VAV3: variants seen among roughly 807,000 people sequenced by gnomAD.
The protein encoded by VAV3 is guanine nucleotide exchange factor VAV3.
VAV3 carries 94 observed loss-of-function variants against 131.2 expected under a neutral mutation model. The observed-to-expected ratio is 0.72, with a 90% confidence interval of 0.61 to 0.85. VAV3 has a LOEUF of 0.85. Ranked by LOEUF, VAV3 falls within the 40% of genes least tolerant of loss-of-function variation. The pLI is 0.00. For synonymous variants in VAV3, 349 were observed against 342.0 expected (o/e 1.02, Z -0.22); for missense variants, 939 against 1,002.7 (o/e 0.94, Z 0.86).
intron 20 of VAV3, among the ~76,000 whole-genome samples, chr1:107,639,082 G>T (rs1655145353): frequency 6.6e-6 from 1 of 151,936 alleles, no homozygotes; most frequent in African/African-American, 2.4e-5. Context: ...AGGCAATCCA[G>T]TGGAGAAATA....
At chr1:107,774,268 T>G (rs1665211189) in intron 4 of VAV3, among the ~76,000 whole-genome samples, 1 of 152,178 alleles carries the variant, frequency 6.6e-6, no homozygotes, top group Non-Finnish European at 1.5e-5. Flanking sequence ...GGTTTCACCA[T>G]GTTGGCCAGG....
chr1:107,834,413 T>C (rs1279502872), intron 2 of VAV3, among the ~76,000 whole-genome samples: 1 of 152,018 alleles, frequency 6.6e-6, no homozygotes, highest in Non-Finnish European at 1.5e-5. Context: ...TTCCATTGCA[T>C]AAAATCAGTA....
At chr1:107,913,217 A>ACAAAAAG (rs1672452178) in intron 1 of VAV3, among the ~76,000 whole-genome samples, 1 of 152,218 alleles carries the variant, frequency 6.6e-6, no homozygotes, top group African/African-American at 2.4e-5. Context: ...GATTATACAG[A>ACAAAAAG]CAAAAAGCAA....
intron 20 of VAV3, among the ~76,000 whole-genome samples, chr1:107,637,727 G>C (rs1244184234): frequency 6.6e-6 from 1 of 152,170 alleles, no homozygotes; most frequent in East Asian, 1.9e-4. Context: ...ACTTCAGGAA[G>C]AAATAATGCT....
At chr1:107,745,623 T>C (rs1663295785) in intron 15 of VAV3, among the ~76,000 whole-genome samples, 1 of 152,200 alleles carries the variant, frequency 6.6e-6, no homozygotes, top group Non-Finnish European at 1.5e-5. Flanking sequence ...TACTGTTCAT[T>C]AGTGTTCATG....
intron 2 of VAV3, among the ~76,000 whole-genome samples, chr1:107,837,643 C>G (rs941735222): frequency 6.6e-6 from 1 of 152,098 alleles, no homozygotes; most frequent in Non-Finnish European, 1.5e-5. Flanking sequence ...AACTACACTA[C>G]AAGGCTACAG....
chr1:107,959,608 G>T (rs559202834), intron 1 of VAV3, among the ~76,000 whole-genome samples: 1 of 151,932 alleles, frequency 6.6e-6, no homozygotes, highest in Non-Finnish European at 1.5e-5. Context: ...TCCTTCACAG[G>T]TTCTCCCCAT....
intron 2 of VAV3, among the ~76,000 whole-genome samples, chr1:107,825,227 C>T (rs1037031577): frequency 6.6e-6 from 1 of 152,090 alleles, no homozygotes; most frequent in Admixed American, 6.6e-5. Flanking sequence ...TATATGCAAA[C>T]AGGGGCTGCC....
intron 2 of VAV3, among the ~76,000 whole-genome samples, chr1:107,782,724 T>C (rs563386569): frequency 1.4e-4 from 22 of 152,290 alleles, no homozygotes; most frequent in Admixed American, 1.3e-3. Context: ...TTTAGAACAA[T>C]GTGTATTCTA....
chr1:107,708,263 G>C (rs1660571507), intron 15 of VAV3, among the ~76,000 whole-genome samples: 1 of 152,194 alleles, frequency 6.6e-6, no homozygotes, highest in Non-Finnish European at 1.5e-5. Flanking sequence ...CGTGGATATA[G>C]TAGGACCAAT....
chr1:107,801,724 CCACAAGGCA>C, intron 2 of VAV3, among the ~76,000 whole-genome samples: 1 of 152,246 alleles, frequency 6.6e-6, no homozygotes, highest in South Asian at 2.1e-4. Flanking sequence ...TTTGTTCTGA[CCACAAGGCA>C]CCCCTGGAGT....
intron 2 of VAV3, among the ~76,000 whole-genome samples, chr1:107,842,645 CT>C (rs901777244): frequency 6.6e-6 from 1 of 151,922 alleles, no homozygotes; most frequent in Non-Finnish European, 1.5e-5. Flanking sequence ...TTTCATTCTT[CT>C]TTTTTTTAAA....
intron 1 of VAV3, among the ~76,000 whole-genome samples, chr1:107,922,903 G>C (rs1364704593): frequency 6.8e-6 from 1 of 147,628 alleles, no homozygotes; most frequent in Non-Finnish European, 1.5e-5. Context: ...AGTGAGCCGA[G>C]ATCGCGCCAC....
intron 1 of VAV3, among the ~76,000 whole-genome samples, chr1:107,963,164 G>A (rs535235460): frequency 1.8e-4 from 26 of 142,494 alleles, no homozygotes; most frequent in African/African-American, 6.3e-4. Flanking sequence ...AGAGTTCCAG[G>A]AAACAAGTTC....
Position 107,964,945 on chromosome 1 carries a change from C to T in VAV3, c.-76G>A, listed in dbSNP as rs1480288014. The T allele has an allele frequency of 5.1e-6, 6 of 1,175,770 alleles. No individual in the cohort carries two copies. Among genetic ancestry groups the T allele is most frequent in the African/African-American group, 1.6e-5 (1 of 61,768 alleles). 72.8% of individuals were successfully genotyped at this position (1,175,770 alleles called of 1,614,324 possible). A position where few individuals can be genotyped will look rare whatever the true frequency, so the allele number is the denominator to read the frequency against. Reference sequence around the variant, plus strand: ...GCCGCCGCCGCCGCCGCCGCGGTTCCTCCGCGCCCCGCCGACGCCAACAGC... The same window carrying T: ...GCCGCCGCCGCCGCCGCCGCGGTTCTTCCGCGCCCCGCCGACGCCAACAGC... On this transcript the variant is annotated 5_prime_UTR_variant, in exon 1 of 27. Transcript: ENST00000370056.
chr1:107,720,384 AAAATAAATAAAT>A (rs35673194), intron 15 of VAV3, among the ~76,000 whole-genome samples: 1,615 of 102,536 alleles, frequency 0.016, 50 homozygotes, highest in African/African-American at 0.06. Context: ...CACTGTCTCA[AAAATAAATAAAT>A]AAATAAATAA....
chr1:107,873,808 G>A (rs1354981285), intron 2 of VAV3, among the ~76,000 whole-genome samples: 3 of 152,046 alleles, frequency 2.0e-5, no homozygotes, highest in Non-Finnish European at 4.4e-5. Context: ...TGAGAAGGCT[G>A]GTGCCTTCTA....
At chr1:107,706,939 C>T (rs544944352) in intron 15 of VAV3, among the ~76,000 whole-genome samples, 4 of 152,264 alleles carry the variant, frequency 2.6e-5, no homozygotes, top group Admixed American at 1.3e-4. Flanking sequence ...TCCACAGGCA[C>T]ACACATGAAC....
At chr1:107,856,943 G>A (rs1241045007) in intron 2 of VAV3, among the ~76,000 whole-genome samples, 1 of 152,172 alleles carries the variant, frequency 6.6e-6, no homozygotes, top group African/African-American at 2.4e-5. Context: ...GCAGGCTGAG[G>A]CAGGAGGGTC....
Sources: gnomAD v4.1 joint callset for allele counts (sites outside exome capture counted in the v4.1 genomes callset) on GRCh38, gnomAD v4.1.1 for gene constraint, MANE v1.5 for transcripts, NCBI Gene and HGNC (gene_info 2026-07-23, HGNC 2026-07-21) for gene names.